Variants in TAP1 observed in about 807,000 individuals in gnomAD.
The protein encoded by TAP1 is antigen peptide transporter 1.
TAP1 carries 56 observed loss-of-function variants against 79.3 expected under a neutral mutation model. The observed-to-expected ratio is 0.71, with a 90% confidence interval of 0.57 to 0.88. The LOEUF is 0.88. Among genes scored for constraint, TAP1 ranks in the 40% least tolerant of loss-of-function variants. The pLI, the probability that TAP1 is intolerant of heterozygous loss-of-function variation, is 0.00. For missense variants in TAP1, 737 were observed against 936.3 expected, an observed-to-expected ratio of 0.79 and a Z score of 2.78; for synonymous variants, 355 against 401.4, an observed-to-expected ratio of 0.88 and a Z score of 1.38.
At position 32,850,956 on chromosome 6, in the gene TAP1, T is replaced by TC; in HGVS notation, c.1037dup (p.Trp348MetfsTer22). On this transcript the variant is annotated frameshift_variant, in exon 4 of 11. Coordinates refer to ENST00000354258, the MANE Select transcript of TAP1 (RefSeq NM_000593.6). LOFTEE classifies it high-confidence loss of function. This position sits in a 1 kb window ranked among gnomAD's most constrained non-coding sequence, Gnocchi z 5.5. The stretch of plus-strand genomic sequence containing the variant: ...TCCATGAACATACCTGGTACCATTT[T>TC]CCCACCTTCTTGGGCAGAAGGAAAA... The TC allele has an allele frequency of 6.2e-7, 1 of 1,612,758 alleles. No individual in the cohort carries two copies. Among genetic ancestry groups the TC allele is most frequent in the Non-Finnish European group, 8.5e-7 (1 of 1,179,988 alleles).
At chr6:32,846,088 G>T (rs1223418286) in intron 10 of TAP1, 7 of 483,608 alleles carry the variant, frequency 1.4e-5, no homozygotes, top group South Asian at 1.2e-4. Context: ...TTTTATATTC[G>T]ATTTTAAGGA....
rs1562364728 is a variant in TAP1 at position 32,847,587 on chromosome 6, T to C, written c.1829A>G (p.Glu610Gly). 6.2e-7 allele frequency: 1 copy of C among 1,614,056 alleles called. No individual in the cohort carries two copies. The highest frequency in any genetic ancestry group is 8.5e-7 in the Non-Finnish European group (1 of 1,180,026). The change falls in exon 9 of 11, where the codon GAG becomes GGG. Residue 610 changes from glutamate (E) to glycine (G), a missense_variant. Around this residue, in one of 5 missense-constraint regions of TAP1, gnomAD observed 266 missense variants for 332.4 expected, o/e 0.80. Transcript: ENST00000354258. This position sits in a 1 kb window ranked among gnomAD's most constrained non-coding sequence, Gnocchi z 4.7. ...CTTTACTGCAGCAGCTGTGATTTCC[T>C]CCATAGTTGGCTTCTGGGTCAGGCC... is the stretch of plus-strand genomic sequence containing the variant. The part of the protein sequence containing the change: ...AYGLTQKPTM[E>G]EITAAAVKSG...
Position 32,847,532 on chromosome 6 carries a change from G to T in TAP1, c.1884C>A (p.Leu628=). 1 of 1,613,820 alleles carries T rather than the reference G, an allele frequency of 6.2e-7. No homozygotes were observed. ...KSGAHSFISG[L]PQGYDTEVDE... ...GAGTACCTGTGTCATAGCCCTGAGG[G>T]AGTCCAGAGATGAAACTATGGGCCC... Residue 628 remains leucine, a synonymous_variant, in exon 9 of 11, where the codon CTC becomes CTA. Coordinates refer to ENST00000354258, the MANE Select transcript of TAP1 (RefSeq NM_000593.6). This position sits in a 1 kb window ranked among gnomAD's most constrained non-coding sequence, Gnocchi z 4.7.
rs1024754043 is a variant in TAP1 at position 32,850,407 on chromosome 6, G to A, written c.1161C>T (p.Ala387=). 1 of 1,614,078 alleles carries A rather than the reference G, an allele frequency of 6.2e-7. No individual in the cohort carries two copies. Among genetic ancestry groups the A allele is most frequent in the Non-Finnish European group, 8.5e-7 (1 of 1,180,056 alleles). ...CTTGCAGCTTTTCCCTAAACTTCTG[G>A]GCTTCGCCCTCCTCGTTGGCAAAGC... The part of the protein sequence containing the change: ...VRSFANEEGE[A]QKFREKLQEI... The change falls in exon 5 of 11, where the codon GCC becomes GCT. Residue 387 remains alanine, a synonymous_variant. Coordinates refer to ENST00000354258, the MANE Select transcript of TAP1 (RefSeq NM_000593.6). This position sits in a 1 kb window ranked among gnomAD's most constrained non-coding sequence, Gnocchi z 5.5.
rs1200008278 is a variant in TAP1 at position 32,851,596 on chromosome 6, G to A, written c.845-447C>T. 4.6e-5 allele frequency among the ~76,000 whole-genome samples: 7 copies of A among 152,132 alleles called. No homozygotes were observed. Among genetic ancestry groups the A allele is most frequent in the East Asian group, 1.9e-4 (1 of 5,202 alleles). ...GCCATATGTAACTGTACAGCTTCTA[G>A]TGCTGCTAGAAAGCATGCCGAAGTC... On this transcript the variant is annotated intron_variant, in intron 3 of 10. Transcript: ENST00000354258. This position sits in a 1 kb window ranked among gnomAD's most constrained non-coding sequence, Gnocchi z 4.8.
rs1582642374 is a variant in TAP1 at position 32,852,520 on chromosome 6, A to G, written c.599-18T>C. The G allele has an allele frequency of 6.2e-7, 1 of 1,612,934 alleles. No individual in the cohort carries two copies. The highest frequency in any genetic ancestry group is 2.2e-5 in the East Asian group (1 of 44,874). ...CATCTCCCCTGGAGAAAGAGAAGAG[A>G]GGTCACGCACAAATATTAAGTCTAA... On this transcript the variant is annotated intron_variant, in intron 1 of 10. Transcript: ENST00000354258. The surrounding 1 kb of genome is among the most constrained non-coding windows in gnomAD (Gnocchi z 4.8).
chr6:32,850,524 A>G lies in TAP1; in HGVS notation c.1051-7T>C, dbSNP rs2127390443. 1 of 1,610,382 alleles carries G rather than the reference A, an allele frequency of 6.2e-7. No homozygotes were observed. Among genetic ancestry groups the G allele is most frequent in the Non-Finnish European group, 8.5e-7 (1 of 1,179,954 alleles). On this transcript the variant is annotated splice_polypyrimidine_tract_variant and splice_region_variant and intron_variant, in intron 4 of 10. Transcript: ENST00000354258. The surrounding 1 kb of genome is among the most constrained non-coding windows in gnomAD (Gnocchi z 5.5). ...GCACCTGCACTTCCAGCAACTGTGG[A>G]TACATGGACAAGAGATGTCACACGG...
In TAP1 at chr6:32,845,555, G is replaced by A. The variant is rs1279838078; in HGVS notation, c.*24C>T. On this transcript the variant is annotated 3_prime_UTR_variant, in exon 11 of 11. Coordinates refer to ENST00000354258, the MANE Select transcript of TAP1 (RefSeq NM_000593.6). The surrounding 1 kb of genome is among the most constrained non-coding windows in gnomAD (Gnocchi z 4.5). ...AGAGAGAAGAAAAGGGAGGGAGATG[G>A]AGTGCGCAGGTCTGAGAAGGCTTTC... 1.2e-6 allele frequency: 2 copies of A among 1,611,122 alleles called. No homozygotes were observed. Among genetic ancestry groups the A allele is most frequent in the African/African-American group, 2.7e-5 (2 of 74,880 alleles).
Position 32,847,122 on chromosome 6 carries a change from A to G in TAP1, c.1986T>C (p.Cys662=). 7.4e-6 allele frequency: 12 copies of G among 1,613,000 alleles called. No homozygotes were observed. The highest frequency in any genetic ancestry group is 1.0e-5 in the Non-Finnish European group (12 of 1,180,040). Reference sequence around the variant, plus strand: ...TGGTGGCATCATCCAGGATAAGTACACACGGTTTCCGGATCAATGCTCGGG... The same window carrying G: ...TGGTGGCATCATCCAGGATAAGTACGCACGGTTTCCGGATCAATGCTCGGG... ...ALARALIRKP[C]VLILDDATSA... Residue 662 remains cysteine (C), a synonymous_variant, in exon 10 of 11, where the codon TGT becomes TGC. Coordinates refer to ENST00000354258, the MANE Select transcript of TAP1 (RefSeq NM_000593.6). This position sits in a 1 kb window ranked among gnomAD's most constrained non-coding sequence, Gnocchi z 4.7.
Position 32,851,977 on chromosome 6 carries a change from A to T in TAP1, c.844+132T>A, listed in dbSNP as rs1392179768. On this transcript the variant is annotated intron_variant, in intron 3 of 10. Transcript: ENST00000354258. This position sits in a 1 kb window ranked among gnomAD's most constrained non-coding sequence, Gnocchi z 4.8. ...AGAGAGAGAGAGACAGGGAGAGGGT[A>T]TATCAAGAATGAGAAGGAACAATGT... 4 of 1,129,106 alleles carry T rather than the reference A, an allele frequency of 3.5e-6. No homozygotes were observed. The highest frequency in any genetic ancestry group is 5.2e-6 in the Non-Finnish European group (4 of 767,418). 69.9% of individuals were successfully genotyped at this position (1,129,106 alleles called of 1,614,324 possible). A position where few individuals can be genotyped will look rare whatever the true frequency, so the allele number is the denominator to read the frequency against.
rs763127333 is a variant in TAP1 at position 32,852,394 on chromosome 6, A to G, written c.707T>C (p.Ile236Thr). ...CCATTTTCAGCCCCCAGACCTGGCT[A>G]TGGTGAGAATGGACATGAGAGTTAA... ...RNLTLMSILT[I>T]ASAVLEFVGD... Residue 236 changes from isoleucine (I) to threonine (T), a missense_variant, in exon 2 of 11, where the codon ATA (isoleucine) becomes ACA (threonine). Transcript: ENST00000354258. The surrounding 1 kb of genome is among the most constrained non-coding windows in gnomAD (Gnocchi z 4.8). 1 of 1,613,096 alleles carries G rather than the reference A, an allele frequency of 6.2e-7. No homozygotes were observed. The highest frequency in any genetic ancestry group is 1.1e-5 in the South Asian group (1 of 91,090).
In TAP1 at chr6:32,850,456, A is replaced by C; in HGVS notation, c.1112T>G (p.Leu371Arg). 1 of 1,614,224 alleles carries C rather than the reference A, an allele frequency of 6.2e-7. No individual in the cohort carries two copies. The highest frequency in any genetic ancestry group is 8.5e-7 in the Non-Finnish European group (1 of 1,180,048). The stretch of plus-strand genomic sequence containing the variant: ...GCTTCGAACTGTAGGCATGGCCGAC[A>C]GAGCCTCAATGGCCACCTGGCTGGA... Reference protein sequence around the residue: ...AKSSQVAIEALSAMPTVRSFA... With the variant: ...AKSSQVAIEARSAMPTVRSFA... Residue 371 changes from leucine (L) to arginine (R), a missense_variant, in exon 5 of 11, where the codon CTG (leucine) becomes CGG (arginine). Leu to Arg is a moderately radical substitution (Grantham distance 102). Around this residue, in one of 5 missense-constraint regions of TAP1, gnomAD observed 406 missense variants for 477.2 expected, o/e 0.85. Coordinates refer to ENST00000354258, the MANE Select transcript of TAP1 (RefSeq NM_000593.6). This position sits in a 1 kb window ranked among gnomAD's most constrained non-coding sequence, Gnocchi z 5.5.
At position 32,851,117 on chromosome 6, in the gene TAP1, A is replaced by G. The variant is rs1236428011; in HGVS notation, c.877T>C (p.Ser293Pro). 3 of 1,612,892 alleles carry G rather than the reference A, an allele frequency of 1.9e-6. No homozygotes were observed. Among genetic ancestry groups the G allele is most frequent in the African/African-American group, 2.7e-5 (2 of 74,902 alleles). The change falls in exon 4 of 11, where the codon TCC (serine) becomes CCC (proline). Residue 293 changes from serine to proline, a missense_variant. Physicochemically the swap from Ser to Pro is moderately conservative, Grantham distance 74 (BLOSUM62 -1). Coordinates refer to ENST00000354258, the MANE Select transcript of TAP1 (RefSeq NM_000593.6). This position sits in a 1 kb window ranked among gnomAD's most constrained non-coding sequence, Gnocchi z 4.8. The part of the protein sequence containing the change: ...NIMSRVTEDT[S>P]TLSDSLSENL... The stretch of plus-strand genomic sequence containing the variant: ...TCACTCAGAGAATCACTCAGGGTGG[A>G]CGTGTCCTCTGTTACCCGAGACATG...
chr6:32,848,393 G>A (rs1210800258), intron 7 of TAP1, among the ~76,000 whole-genome samples: 5 of 152,330 alleles, frequency 3.3e-5, no homozygotes, highest in East Asian at 1.9e-4. Flanking sequence ...ATGGAAGACC[G>A]AAGACACAGA....
chr6:32,852,419 A>T lies in TAP1; in HGVS notation c.682T>A (p.Leu228Ile). The change falls in exon 2 of 11, where the codon TTA (leucine) becomes ATA (isoleucine). Residue 228 changes from leucine (L) to isoleucine (I), a missense_variant. Transcript: ENST00000354258. This position sits in a 1 kb window ranked among gnomAD's most constrained non-coding sequence, Gnocchi z 4.8. ...ATGGTGAGAATGGACATGAGAGTTA[A>T]GTTTCGAGTGAAGGTATCGGCTGAG... ...DGSADTFTRN[L>I]TLMSILTIAS... is the part of the protein sequence containing the mutation. 6.2e-7 allele frequency: 1 copy of T among 1,613,092 alleles called. No individual in the cohort carries two copies. The highest frequency in any genetic ancestry group is 8.5e-7 in the Non-Finnish European group (1 of 1,180,042).
At position 32,853,269 on chromosome 6, in the gene TAP1, C is replaced by T. The variant is rs764867295; in HGVS notation, c.368G>A (p.Gly123Glu). The change falls in exon 1 of 11, where the codon GGG (glycine) becomes GAG (glutamate). Residue 123 changes from glycine to glutamate, a missense_variant. By Grantham distance (98) the Gly-to-Glu change is moderately conservative. Transcript: ENST00000354258. This position sits in a 1 kb window ranked among gnomAD's most constrained non-coding sequence, Gnocchi z 8.3. ...CAGTAGCCTGGTGCTATCCGCGGAC[C>T]CGGGGGCTCCCCATGAGATCAGCTC... ...FRELISWGAPGSADSTRLLHW... is the reference protein window; with the variant it reads ...FRELISWGAPESADSTRLLHW... 2 of 1,589,548 alleles carry T rather than the reference C, an allele frequency of 1.3e-6. No individual in the cohort carries two copies. Among genetic ancestry groups the T allele is most frequent in the Non-Finnish European group, 1.7e-6 (2 of 1,167,482 alleles).
In TAP1 at chr6:32,845,695, G is replaced by C. The variant is rs752812686; in HGVS notation, c.2131C>G (p.His711Asp). 8 of 1,612,958 alleles carry C rather than the reference G, an allele frequency of 5.0e-6. No individual in the cohort carries two copies. Among genetic ancestry groups the C allele is most frequent in the Non-Finnish European group, 6.8e-6 (8 of 1,180,038 alleles). Residue 711 changes from histidine (H) to aspartate (D), a missense_variant, in exon 11 of 11, where the codon CAC (histidine) becomes GAC (aspartate). Transcript: ENST00000354258. This position sits in a 1 kb window ranked among gnomAD's most constrained non-coding sequence, Gnocchi z 4.5. ...GCGCCTCCTTCCAGAAAGAGGATGTGGTCAGCCTGCTCCACCAGGCTGAGG... is the reference window on the plus strand; with the variant it reads ...GCGCCTCCTTCCAGAAAGAGGATGTCGTCAGCCTGCTCCACCAGGCTGAGG... Reference protein sequence around the residue: ...QHLSLVEQADHILFLEGGAIR... With the variant: ...QHLSLVEQADDILFLEGGAIR...
rs1554242514 is a variant in TAP1 at position 32,845,607 on chromosome 6, A to G, written c.2219T>C (p.Val740Ala). The G allele has an allele frequency of 6.2e-7, 1 of 1,613,078 alleles. No homozygotes were observed. The highest frequency in any genetic ancestry group is 1.7e-5 in the Admixed American group (1 of 60,028). Residue 740 changes from valine (V) to alanine (A), a missense_variant, in exon 11 of 11, where the codon GTG (valine) becomes GCG (alanine). Around this residue, in one of 5 missense-constraint regions of TAP1, gnomAD observed 266 missense variants for 332.4 expected, o/e 0.80. Coordinates refer to ENST00000354258, the MANE Select transcript of TAP1 (RefSeq NM_000593.6). This position sits in a 1 kb window ranked among gnomAD's most constrained non-coding sequence, Gnocchi z 4.5. ...TTCTGGAGCATCTGCAGGAGCCTGC[A>G]CCATGGCCCAGTAGCACCCCTTTTT... is the stretch of plus-strand genomic sequence containing the variant. ...MEKKGCYWAM[V>A]QAPADAPE
chr6:32,849,165 G>C (rs372077422), intron 5 of TAP1, 47 bp from the exon 6 acceptor site: 1 of 1,556,354 alleles, frequency 6.4e-7, no homozygotes, highest in Admixed American at 1.9e-5. Context: ...GAAATCTGGA[G>C]GGGACACAAA....
Sources: allele counts gnomAD v4.1 joint callset (sites outside exome capture counted in the v4.1 genomes callset), GRCh38; gene constraint gnomAD v4.1.1; regional missense constraint gnomAD v4.1.1; non-coding constraint Gnocchi (gnomAD v3.1); transcripts MANE v1.5; gene names NCBI Gene and HGNC (gene_info 2026-07-23, HGNC 2026-07-21).